CHD3: variants seen among roughly 807,000 people sequenced by gnomAD.
The protein encoded by CHD3 is ATP-dependent chromatin remodeler CHD3.
Under a neutral mutation model 248.9 loss-of-function variants are expected in CHD3, and 52 were observed. The ratio of observed to expected loss-of-function variants is 0.21; its 90% CI spans 0.17 to 0.26. CHD3 has a LOEUF of 0.26. Ranked by LOEUF, CHD3 falls within the 10% of genes least tolerant of loss-of-function variation. The pLI, the probability that CHD3 is intolerant of heterozygous loss-of-function variation, is 1.00. For missense variants in CHD3, 1,482 were observed against 2,605.8 expected, an observed-to-expected ratio of 0.57 and a Z score of 9.39; for synonymous variants, 985 against 985.2, an observed-to-expected ratio of 1.00 and a Z score of 0.00.
At chr17:7,902,244 A>G (rs1970402543) in intron 20 of CHD3, among the ~76,000 whole-genome samples, 1 of 152,022 alleles carries the variant, frequency 6.6e-6, no homozygotes, top group African/African-American at 2.4e-5. Flanking sequence ...CAACATGGTG[A>G]AACCCTGTCT....
At chr17:7,891,288 T>C (rs140795591) in intron 4 of CHD3, among the ~76,000 whole-genome samples, 52 of 152,324 alleles carry the variant, frequency 3.4e-4, no homozygotes, top group African/African-American at 1.2e-3. Flanking sequence ...GGGGCCATCA[T>C]GATTCCAGTG....
Position 7,910,720 on chromosome 17 carries a change from T to C in CHD3, c.5755-127T>C. On this transcript the variant is annotated intron_variant, in intron 38 of 39. Transcript: ENST00000330494. This position sits in a 1 kb window ranked among gnomAD's most constrained non-coding sequence, Gnocchi z 4.7. ...CTAGAACACAGTCATCACCCTTGAG[T>C]GAGTCTCCCTGCCTGTGTATCCTAC... 6.7e-7 allele frequency: 1 copy of C among 1,502,552 alleles called. No homozygotes were observed. Among genetic ancestry groups the C allele is most frequent in the Non-Finnish European group, 9.0e-7 (1 of 1,114,860 alleles). The allele number at this position is 1,502,552 out of a possible 1,614,324, so 93.1% of individuals were successfully genotyped here.
chr17:7,911,329 C>A lies in CHD3; in HGVS notation c.5882-135C>A. On this transcript the variant is annotated intron_variant, in intron 39 of 39. Transcript: ENST00000330494. The surrounding 1 kb of genome is among the most constrained non-coding windows in gnomAD (Gnocchi z 5.4). Reference sequence around the variant, plus strand: ...TGGAATCTCAGGGAAAGGGGTTTGCCCGGGTCTTCCCTCCCTCACGTGGGA... The same window carrying A: ...TGGAATCTCAGGGAAAGGGGTTTGCACGGGTCTTCCCTCCCTCACGTGGGA... The A allele has an allele frequency of 7.3e-7, 1 of 1,373,380 alleles. No individual in the cohort carries two copies. The highest frequency in any genetic ancestry group is 1.8e-5 in the Admixed American group (1 of 55,628). The allele number at this position is 1,373,380 out of a possible 1,614,324, so 85.1% of individuals were successfully genotyped here. A position where few individuals can be genotyped will look rare whatever the true frequency, so the allele number is the denominator to read the frequency against.
chr17:7,888,496 ACCAGAGCC>A (rs1296393148), upstream of CHD3, among the ~76,000 whole-genome samples: 1 of 152,112 alleles, frequency 6.6e-6, no homozygotes, highest in Non-Finnish European at 1.5e-5. Flanking sequence ...AGGGACGTGA[ACCAGAGCC>A]CCAGGGCCCC....
At chr17:7,885,175 A>G (rs1234153247), upstream of CHD3, 2 of 977,914 alleles carry the variant, frequency 2.0e-6, no homozygotes, top group Non-Finnish European at 2.4e-6. Context: ...CGCGCGGCCG[A>G]GCCGAGGCGA....
At chr17:7,887,665 G>A (rs1968176340), upstream of CHD3, among the ~76,000 whole-genome samples, 1 of 152,064 alleles carries the variant, frequency 6.6e-6, no homozygotes, top group Non-Finnish European at 1.5e-5. Context: ...ATTAGAAGAA[G>A]AGAGGGGCGG....
Position 7,904,336 on chromosome 17 carries a change from TG to T in CHD3, c.3895-102del. 9.7e-7 allele frequency: 1 copy of T among 1,035,240 alleles called. No individual in the cohort carries two copies. The highest frequency in any genetic ancestry group is 1.4e-6 in the Non-Finnish European group (1 of 692,928). The allele number at this position is 1,035,240 out of a possible 1,614,324, so 64.1% of individuals were successfully genotyped here. On this transcript the variant is annotated intron_variant, in intron 24 of 39. Transcript: ENST00000330494. The surrounding 1 kb of genome is among the most constrained non-coding windows in gnomAD (Gnocchi z 4.4). ...ATGCAGAGCCACGAAGCTGCAGGAG[TG>T]GGGAGACCGGATTGGGCTGACGCAG...
rs779528412 is a variant in CHD3 at position 7,899,563 on chromosome 17, A to G, written c.2544+20A>G. 1.1e-5 allele frequency: 17 copies of G among 1,604,780 alleles called. 1 individual carries two copies. In the South Asian group the frequency reaches 1.9e-4, roughly 18 times the overall value. ...ATGAAGGTAAGACCCTCTACCTCAT[A>G]TCCTCTGAGACCCTCAAAGCTGTCA... On this transcript the variant is annotated intron_variant, in intron 15 of 39. Coordinates refer to ENST00000330494, the MANE Select transcript of CHD3 (RefSeq NM_001005273.3). This position sits in a 1 kb window ranked among gnomAD's most constrained non-coding sequence, Gnocchi z 6.8.
chr17:7,909,529 C>A lies in CHD3; in HGVS notation c.5590+191C>A. ...GCCTCTAGGACTTGTGCAAGCCAAC[C>A]CTCATCCATGTCTGATAGCATTCAC... On this transcript the variant is annotated intron_variant, in intron 37 of 39. Coordinates refer to ENST00000330494, the MANE Select transcript of CHD3 (RefSeq NM_001005273.3). This position sits in a 1 kb window ranked among gnomAD's most constrained non-coding sequence, Gnocchi z 8.1. The A allele has an allele frequency of 1.3e-6, 1 of 776,218 alleles. No homozygotes were observed. Among genetic ancestry groups the A allele is most frequent in the Admixed American group, 3.1e-5 (1 of 31,992 alleles). The allele number at this position is 776,218 out of a possible 1,614,324, so 48.1% of individuals were successfully genotyped here.
rs183368220 is a variant in CHD3 at position 7,891,139 on chromosome 17, A to T, written c.509+75A>T. The T allele has an allele frequency of 2.2e-3, 3,420 of 1,525,942 alleles. 6 individuals carry two copies. The highest frequency in any genetic ancestry group is 2.8e-3 in the Non-Finnish European group (3,095 of 1,111,844). 94.5% of individuals were successfully genotyped at this position (1,525,942 alleles called of 1,614,324 possible). Reference sequence around the variant, plus strand: ...GAGGTCCTGGACCCCTTGGAATCTGATGAAAGCTATGAAACTGCTCTCCAG... The same window carrying T: ...GAGGTCCTGGACCCCTTGGAATCTGTTGAAAGCTATGAAACTGCTCTCCAG... On this transcript the variant is annotated intron_variant, in intron 4 of 39. Coordinates refer to ENST00000330494, the MANE Select transcript of CHD3 (RefSeq NM_001005273.3).
At chr17:7,892,156 G>T (rs933985689) in intron 4 of CHD3, among the ~76,000 whole-genome samples, 2 of 152,172 alleles carry the variant, frequency 1.3e-5, no homozygotes, top group Admixed American at 1.3e-4. Flanking sequence ...TAGTAACGTT[G>T]TCTCACCTAC....
rs1258641951 is a variant in CHD3, at chr17:7,908,940, C to G, written c.5394+111C>G. 4.0e-6 allele frequency: 6 copies of G among 1,494,504 alleles called. No homozygotes were observed. Among genetic ancestry groups the G allele is most frequent in the Non-Finnish European group, 5.5e-6 (6 of 1,089,202 alleles). 92.6% of individuals were successfully genotyped at this position (1,494,504 alleles called of 1,614,324 possible). ...AACACCTTCAGGGCTGAGGTGATAC[C>G]TGGGGCCAAGACCAAAGTGTAACCT... On this transcript the variant is annotated intron_variant, in intron 36 of 39. Transcript: ENST00000330494. This position sits in a 1 kb window ranked among gnomAD's most constrained non-coding sequence, Gnocchi z 5.8.
chr17:7,906,395 G>T lies in CHD3; in HGVS notation c.4359-158G>T. On this transcript the variant is annotated intron_variant, in intron 28 of 39. Transcript: ENST00000330494. This position sits in a 1 kb window ranked among gnomAD's most constrained non-coding sequence, Gnocchi z 5.0. ...CGCAGGGGGACAGTTAGGACTTGGA[G>T]GGCTGGTAATGGTGAGAGTGAGAGG... The T allele has an allele frequency of 1.3e-6, 1 of 747,836 alleles. No homozygotes were observed. The highest frequency in any genetic ancestry group is 2.5e-5 in the East Asian group (1 of 39,922). The allele number at this position is 747,836 out of a possible 1,614,324, so 46.3% of individuals were successfully genotyped here.
Position 7,906,172 on chromosome 17 carries a change from C to G in CHD3, c.4358+183C>G, listed in dbSNP as rs780679378. ...TCAGCCCACTCCACCTCCCCTCAGC[C>G]GAGCCTAGAGTAGAGGGGCCAGGCA... On this transcript the variant is annotated intron_variant, in intron 28 of 39. Transcript: ENST00000330494. The surrounding 1 kb of genome is among the most constrained non-coding windows in gnomAD (Gnocchi z 5.0). 1 of 980,174 alleles carries G rather than the reference C, an allele frequency of 1.0e-6. No homozygotes were observed. Among genetic ancestry groups the G allele is most frequent in the Non-Finnish European group, 1.6e-6 (1 of 615,946 alleles). 60.7% of individuals were successfully genotyped at this position (980,174 alleles called of 1,614,324 possible). A position where few individuals can be genotyped will look rare whatever the true frequency, so the allele number is the denominator to read the frequency against.
upstream of CHD3, chr17:7,888,744 G>A (rs1968381908): frequency 2.4e-6 from 3 of 1,231,726 alleles, no homozygotes; most frequent in African/African-American, 1.5e-5. Flanking sequence ...GCGTGCGCGC[G>A]CGTGCTTTTG....
chr17:7,911,894 A>C lies in CHD3; in HGVS notation c.*309A>C. The C allele has an allele frequency of 1.9e-6, 1 of 530,090 alleles. No individual in the cohort carries two copies. Among genetic ancestry groups the C allele is most frequent in the Non-Finnish European group, 3.1e-6 (1 of 325,638 alleles). 32.8% of individuals were successfully genotyped at this position (530,090 alleles called of 1,614,324 possible). A position where few individuals can be genotyped will look rare whatever the true frequency, so the allele number is the denominator to read the frequency against. On this transcript the variant is annotated 3_prime_UTR_variant, in exon 40 of 40. Coordinates refer to ENST00000330494, the MANE Select transcript of CHD3 (RefSeq NM_001005273.3). This position sits in a 1 kb window ranked among gnomAD's most constrained non-coding sequence, Gnocchi z 5.4. ...CCAAGTATACACAACTTCCCAGTAA[A>C]TGGTTGTGGGGAGGAAAGAGGTGGA...
Position 7,905,110 on chromosome 17 carries a change from A to T in CHD3, c.4083A>T (p.Ser1361=). The change falls in exon 26 of 40, where the codon TCA becomes TCT. Residue 1361 remains serine, a synonymous_variant. Transcript: ENST00000330494. This position sits in a 1 kb window ranked among gnomAD's most constrained non-coding sequence, Gnocchi z 5.8. ...TTTCCACCCCCACAGACAACCAGTC[A>T]GAGTACTCGGTGGGTTCAGAGGAGG... ...DAAQEDQDNQ[S]EYSVGSEEED... The T allele has an allele frequency of 6.2e-7, 1 of 1,613,522 alleles. No homozygotes were observed. Among genetic ancestry groups the T allele is most frequent in the Non-Finnish European group, 8.5e-7 (1 of 1,179,464 alleles).
rs1164423485 is a variant in CHD3, at chr17:7,895,064, G to A, written c.1417G>A (p.Ala473Thr). Reference sequence around the variant, plus strand: ...CGGCGGGGAGCTCCTGTGCTGTGACGCGTGCATCTCCTCCTACCACATTCA... The same window carrying A: ...CGGCGGGGAGCTCCTGTGCTGTGACACGTGCATCTCCTCCTACCACATTCA... ...KDGGELLCCD[A>T]CISSYHIHCL... Residue 473 changes from alanine to threonine, a missense_variant, in exon 9 of 40, where the codon GCG becomes ACG. Coordinates refer to ENST00000330494, the MANE Select transcript of CHD3 (RefSeq NM_001005273.3). This position sits in a 1 kb window ranked among gnomAD's most constrained non-coding sequence, Gnocchi z 4.9. 18 of 1,614,108 alleles carry A rather than the reference G, an allele frequency of 1.1e-5. No individual in the cohort carries two copies. Among genetic ancestry groups the A allele is most frequent in the Non-Finnish European group, 1.4e-5 (17 of 1,180,014 alleles).
At position 7,893,834 on chromosome 17, in the gene CHD3, C is replaced by A; in HGVS notation, c.823C>A (p.Pro275Thr). Reference sequence around the variant, plus strand: ...AGGCCATAAGAGGCGGAGTAAGAGCCCCCGAGTGCCTGATGGACGCAAGAA... The same window carrying A: ...AGGCCATAAGAGGCGGAGTAAGAGCACCCGAGTGCCTGATGGACGCAAGAA... ...GPGHKRRSKS[P>T]RVPDGRKKLR... Residue 275 changes from proline (P) to threonine (T), a missense_variant, in exon 6 of 40, where the codon CCC becomes ACC. This residue lies in a region of CHD3 where 149 missense variants were observed against 182.6 expected (regional missense o/e 0.82). Transcript: ENST00000330494. 1 of 1,614,062 alleles carries A rather than the reference C, an allele frequency of 6.2e-7. No individual in the cohort carries two copies. The highest frequency in any genetic ancestry group is 8.5e-7 in the Non-Finnish European group (1 of 1,180,022).
Sources: allele counts gnomAD v4.1 joint callset (sites outside exome capture counted in the v4.1 genomes callset), GRCh38; gene constraint gnomAD v4.1.1; regional missense constraint gnomAD v4.1.1; non-coding constraint Gnocchi (gnomAD v3.1); transcripts MANE v1.5; gene names NCBI Gene and HGNC (gene_info 2026-07-23, HGNC 2026-07-21).